The following TEKTL1 variants were observed in gnomAD, a reference collection of about 807,000 sequenced individuals.
TEKTL1 encodes tektin like 1, also known as tektin-like protein 1.
the TEKTL1 span, chr19:15,013,838 C>A: frequency 3.0e-6 from 3 of 990,130 alleles, no homozygotes; most frequent in Non-Finnish European, 4.7e-6. Context: ...GCCTAATGGA[C>A]AAACCACTCT....
the TEKTL1 span, chr19:15,023,136 C>A: frequency 6.4e-7 from 1 of 1,561,672 alleles, no homozygotes; most frequent in Admixed American, 1.9e-5. Flanking sequence ...CAGCGTCCCC[C>A]GCCCCAGCCA....
the TEKTL1 span, among the ~76,000 whole-genome samples, chr19:15,013,019 A>C: frequency 6.6e-6 from 1 of 152,080 alleles, no homozygotes; most frequent in Non-Finnish European, 1.5e-5. Context: ...GAAAGGAAGA[A>C]GTCCTCCCTA....
At chr19:15,023,191 C>G in the TEKTL1 span, 1 of 1,375,338 alleles carries the variant, frequency 7.3e-7, no homozygotes, top group Non-Finnish European at 9.7e-7. Flanking sequence ...GACACAGCCC[C>G]ATGGCCCTCC....
chr19:15,021,681 A>G, the TEKTL1 span: 3 of 1,614,090 alleles, frequency 1.9e-6, no homozygotes, highest in East Asian at 6.7e-5. Flanking sequence ...AATATAACCA[A>G]GAGTTGTACA....
the TEKTL1 span, chr19:15,011,196 A>C: frequency 5.4e-6 from 8 of 1,479,190 alleles, no homozygotes; most frequent in Non-Finnish European, 7.1e-6. Flanking sequence ...CAGACCACCG[A>C]GGTGGTGCAC....
At chr19:15,019,340 C>T in the TEKTL1 span, among the ~76,000 whole-genome samples, 2,654 of 152,022 alleles carry the variant, frequency 0.017, 83 homozygotes, top group African/African-American at 0.06. Flanking sequence ...TCAATTATAC[C>T]TCAATAAAGC....
the TEKTL1 span, chr19:15,010,772 T>A: frequency 6.1e-6 from 9 of 1,464,724 alleles, no homozygotes; most frequent in Non-Finnish European, 8.1e-6. Flanking sequence ...GTCTTTGGGG[T>A]CCCTTCCGCT....
chr19:15,014,306 T>C, the TEKTL1 span, among the ~76,000 whole-genome samples: 1 of 152,108 alleles, frequency 6.6e-6, no homozygotes, highest in Non-Finnish European at 1.5e-5. Context: ...CCTGTTAAGG[T>C]TCGCTGGAAA....
At chr19:15,011,200 G>T in the TEKTL1 span, 2 of 1,476,422 alleles carry the variant, frequency 1.4e-6, no homozygotes, top group South Asian at 1.4e-5. Context: ...CCACCGAGGT[G>T]GTGCACGCGC....
the TEKTL1 span, among the ~76,000 whole-genome samples, chr19:15,016,019 C>T: frequency 1.3e-5 from 2 of 150,928 alleles, no homozygotes; most frequent in Non-Finnish European, 1.5e-5. Context: ...AAGGCAGATA[C>T]AGTACTAAAT....
the TEKTL1 span, chr19:15,020,486 T>C: frequency 1.2e-6 from 2 of 1,613,494 alleles, no homozygotes; most frequent in Non-Finnish European, 1.7e-6. Context: ...CGAGACACTC[T>C]GAACTTCTGC....
At chr19:15,019,463 A>G in the TEKTL1 span, among the ~76,000 whole-genome samples, 1 of 152,220 alleles carries the variant, frequency 6.6e-6, no homozygotes, top group East Asian at 1.9e-4. Context: ...TCCACATTGC[A>G]TACACAAATC....
the TEKTL1 span, chr19:15,010,942 C>A: frequency 2.5e-6 from 4 of 1,587,526 alleles, no homozygotes; most frequent in African/African-American, 1.3e-5. Context: ...CCGATCGCTG[C>A]GGGCAGGAGG....
the TEKTL1 span, among the ~76,000 whole-genome samples, chr19:15,017,445 C>T: frequency 6.6e-6 from 1 of 151,964 alleles, no homozygotes; most frequent in Non-Finnish European, 1.5e-5. Context: ...ATATGATATG[C>T]TTCATTTTAT....
the TEKTL1 span, chr19:15,021,919 G>C: frequency 1.9e-6 from 3 of 1,612,376 alleles, no homozygotes; most frequent in Non-Finnish European, 2.5e-6. Context: ...GCCTCGCACA[G>C]GTAAACCCCC....
chr19:15,014,738 C>CGGGGGGGGG, the TEKTL1 span, among the ~76,000 whole-genome samples: 129 of 29,786 alleles, frequency 4.3e-3, 2 homozygotes, highest in Middle Eastern at 0.019. Context: ...GGGCGGGGGG[C>CGGGGGGGGG]GGGGGCTGCT....
At chr19:15,011,107 G>A in the TEKTL1 span, 1 of 1,561,604 alleles carries the variant, frequency 6.4e-7, no homozygotes, top group Non-Finnish European at 8.6e-7. Flanking sequence ...AGGGCGTCAC[G>A]CTGTGGAAGG....
At chr19:15,020,501 A>G in the TEKTL1 span, 1 of 1,613,664 alleles carries the variant, frequency 6.2e-7, no homozygotes. Flanking sequence ...TTCTGCTTCA[A>G]GGAGCGGCTC....
chr19:15,021,302 C>T, the TEKTL1 span: 3 of 1,599,100 alleles, frequency 1.9e-6, no homozygotes, highest in South Asian at 3.4e-5. Context: ...GGGACAGGGG[C>T]TCTGGGAACG....
Sources: allele counts gnomAD v4.1 joint callset (sites outside exome capture counted in the v4.1 genomes callset), GRCh38; gene constraint gnomAD v4.1.1; transcripts MANE v1.5; gene names NCBI Gene and HGNC (gene_info 2026-07-23, HGNC 2026-07-21).